SLC35F3: variants seen among roughly 807,000 people sequenced by gnomAD.
SLC35F3 encodes the protein solute carrier family 35 member F3.
SLC35F3 carries 25 observed loss-of-function variants against 49.9 expected under a neutral mutation model. The observed-to-expected ratio is 0.50, with a 90% CI of 0.37 to 0.70. The LOEUF is 0.70. SLC35F3 is among the 30% of genes least tolerant of loss of function. SLC35F3 has a pLI of 0.00. For missense variants in SLC35F3, 525 were observed against 639.8 expected (o/e 0.82, Z 1.94); for synonymous variants, 275 against 265.4 (o/e 1.04, Z -0.35).
intron 2 of SLC35F3, among the ~76,000 whole-genome samples, chr1:234,002,069 C>G (rs1663562855): frequency 6.6e-6 from 1 of 152,150 alleles, no homozygotes; most frequent in Non-Finnish European, 1.5e-5. Context: ...GTAGACAGGA[C>G]TTTCAGCATG....
At chr1:233,908,980 T>G (rs115498148) in intron 2 of SLC35F3, among the ~76,000 whole-genome samples, 2,133 of 151,994 alleles carry the variant, frequency 0.014, 51 homozygotes, top group African/African-American at 0.046. Flanking sequence ...CTCAGCTTCC[T>G]CCTGAGTAGC....
chr1:234,175,698 T>C (rs998913244), intron 2 of SLC35F3, among the ~76,000 whole-genome samples: 1 of 147,866 alleles, frequency 6.8e-6, no homozygotes, highest in Non-Finnish European at 1.5e-5. Flanking sequence ...AGAGTCTAGA[T>C]AAACCAATGG....
chr1:233,945,868 C>T (rs565506246), intron 2 of SLC35F3, among the ~76,000 whole-genome samples: 1 of 152,208 alleles, frequency 6.6e-6, no homozygotes. Context: ...TCAATTAAAC[C>T]TCAGCAATCT....
In SLC35F3 at chr1:234,063,716, G is replaced by A. The variant is rs898202919; in HGVS notation, c.283+157958G>A. On this transcript the variant is annotated intron_variant, in intron 2 of 7. Coordinates refer to ENST00000366618, the MANE Select transcript of SLC35F3 (RefSeq NM_173508.4). ...GTATAAGGGCACTGGCTTTTGTTTA[G>A]CTTTTAATATTTAACTTAACCACTC... Among the ~76,000 whole-genome samples the A allele has an allele frequency of 3.3e-5, 5 of 152,244 alleles. No homozygotes were observed. In the East Asian group the frequency reaches 9.7e-4, roughly 29 times the overall value.
intron 3 of SLC35F3, among the ~76,000 whole-genome samples, chr1:234,232,519 CA>C (rs536692686): frequency 0.014 from 1,012 of 72,322 alleles, 4 homozygotes; most frequent in East Asian, 0.069. Flanking sequence ...CAGGCCTAGT[CA>C]AAAAAAAAAA....
intron 2 of SLC35F3, among the ~76,000 whole-genome samples, chr1:233,955,032 T>C (rs567409802): frequency 1.5e-4 from 23 of 152,030 alleles, no homozygotes; most frequent in Admixed American, 1.3e-3. Context: ...TTAGTGGAGA[T>C]GGGGTTTCAC....
intron 2 of SLC35F3, among the ~76,000 whole-genome samples, chr1:234,088,951 G>A (rs1304280160): frequency 6.6e-6 from 1 of 151,976 alleles, no homozygotes; most frequent in Non-Finnish European, 1.5e-5. Context: ...TAGTAGAGAG[G>A]AGGTTTTGCC....
chr1:234,282,436 C>T (rs1045184962), intron 3 of SLC35F3, among the ~76,000 whole-genome samples: 1 of 152,198 alleles, frequency 6.6e-6, no homozygotes, highest in East Asian at 1.9e-4. Context: ...AAGACAGCCC[C>T]ACTCACAGTC....
At chr1:234,085,569 T>A (rs997519092) in intron 2 of SLC35F3, among the ~76,000 whole-genome samples, 1 of 152,236 alleles carries the variant, frequency 6.6e-6, no homozygotes, top group African/African-American at 2.4e-5. Context: ...TAATTTGTAT[T>A]GGGCTACCTT....
intron 2 of SLC35F3, among the ~76,000 whole-genome samples, chr1:234,230,649 C>T (rs1356579338): frequency 2.0e-5 from 3 of 152,202 alleles, no homozygotes; most frequent in Admixed American, 1.3e-4. Flanking sequence ...ACAACACTGC[C>T]GCAGAGCCAA....
intron 2 of SLC35F3, among the ~76,000 whole-genome samples, chr1:233,993,870 A>C (rs1663406934): frequency 6.6e-6 from 1 of 152,190 alleles, no homozygotes; most frequent in Non-Finnish European, 1.5e-5. Context: ...TGTACCTCTC[A>C]GGAAGTACAG....
chr1:234,211,058 T>C (rs1453753417), intron 2 of SLC35F3, among the ~76,000 whole-genome samples: 1 of 152,208 alleles, frequency 6.6e-6, no homozygotes, highest in Non-Finnish European at 1.5e-5. Context: ...GGGGCCAACA[T>C]AGAGCTTGGG....
At chr1:234,247,695 A>G (rs1302804251) in intron 3 of SLC35F3, among the ~76,000 whole-genome samples, 5 of 148,166 alleles carry the variant, frequency 3.4e-5, no homozygotes, top group Non-Finnish European at 7.4e-5. Flanking sequence ...TGGCTGGTCC[A>G]TTGTTCAGTG....
intron 2 of SLC35F3, among the ~76,000 whole-genome samples, chr1:234,155,013 A>C (rs1666130236): frequency 6.6e-6 from 1 of 152,254 alleles, no homozygotes; most frequent in Admixed American, 6.5e-5. Flanking sequence ...ACCTATGCAC[A>C]TCCTCCATAT....
At chr1:234,232,423 G>A (rs1260857433) in intron 3 of SLC35F3, among the ~76,000 whole-genome samples, 2 of 149,266 alleles carry the variant, frequency 1.3e-5, no homozygotes, top group Admixed American at 6.8e-5. Context: ...GTGTTGACCC[G>A]TGGCGCTCAT....
At chr1:234,117,943 T>C (rs2102891415) in intron 2 of SLC35F3, among the ~76,000 whole-genome samples, 1 of 140,366 alleles carries the variant, frequency 7.1e-6, no homozygotes, top group South Asian at 2.5e-4. Flanking sequence ...TGTGTGTGTG[T>C]GTGTGTGTGT....
chr1:234,314,280 C>T (rs552113877), intron 4 of SLC35F3, among the ~76,000 whole-genome samples: 2 of 152,198 alleles, frequency 1.3e-5, no homozygotes, highest in African/African-American at 4.8e-5. Context: ...TGTCCCTTCC[C>T]CCAGCTTAGC....
chr1:233,922,839 GT>G (rs900412282), intron 2 of SLC35F3, among the ~76,000 whole-genome samples: 2 of 152,140 alleles, frequency 1.3e-5, no homozygotes, highest in African/African-American at 2.4e-5. Flanking sequence ...GTGTAAGGAA[GT>G]GATCCAGTTT....
At chr1:234,273,299 G>A (rs73112469) in intron 3 of SLC35F3, among the ~76,000 whole-genome samples, 2,178 of 152,266 alleles carry the variant, frequency 0.014, 57 homozygotes, top group African/African-American at 0.05. Context: ...GAAGCTTGGC[G>A]ATGGCTTTCT....
Sources: allele counts gnomAD v4.1 joint callset (sites outside exome capture counted in the v4.1 genomes callset), GRCh38; gene constraint gnomAD v4.1.1; transcripts MANE v1.5; gene names NCBI Gene and HGNC (gene_info 2026-07-23, HGNC 2026-07-21).